IGDCC4: variants seen among roughly 807,000 people sequenced by gnomAD.
IGDCC4 encodes likely ortholog of mouse neighbor of Punc E11.
In IGDCC4, 72 loss-of-function variants were observed where a neutral mutation model predicts 116.6. That is an observed-to-expected ratio of 0.62 (90% CI 0.51 to 0.75). IGDCC4 has a LOEUF of 0.75. IGDCC4 is among the 30% of genes least tolerant of loss of function. The pLI is 0.00. For missense variants in IGDCC4, 1,501 were observed against 1,662.4 expected (o/e 0.90, Z 1.69); for synonymous variants, 709 against 719.9 (o/e 0.98, Z 0.24).
intron 2 of IGDCC4, 124 bp from the exon 3 acceptor site, chr15:65,410,443 A>G: frequency 8.6e-7 from 1 of 1,169,378 alleles, no homozygotes; most frequent in Non-Finnish European, 1.2e-6. Context: ...AACACACAGC[A>G]GAGCCAATTC....
rs2091404084 is a variant in IGDCC4 at position 65,381,939 on chromosome 15, TA to T, written c.*2069del. 6.6e-6 allele frequency: 1 copy of T among 152,594 alleles called. No individual in the cohort carries two copies. The highest frequency in any genetic ancestry group is 6.5e-5 in the Admixed American group (1 of 15,274). 9.5% of individuals were successfully genotyped at this position (152,594 alleles called of 1,614,324 possible). On this transcript the variant is annotated 3_prime_UTR_variant, in exon 20 of 20. Transcript: ENST00000352385. ...TTGAGAAACAATTTTCCACCCAACC[TA>T]ATGGGTTATAAATTGTCTCATTTGC...
intron 1 of IGDCC4, among the ~76,000 whole-genome samples, chr15:65,418,053 C>T (rs1016466954): frequency 6.6e-6 from 1 of 152,194 alleles, no homozygotes; most frequent in African/African-American, 2.4e-5. Flanking sequence ...CCCATGAAGA[C>T]ATCCTCAAAA....
chr15:65,396,216 G>GCCCCCCCCCCCCCCCCCCCCC, intron 6 of IGDCC4, 53 bp from the exon 7 acceptor site: 1 of 1,188,160 alleles, frequency 8.4e-7, no homozygotes, highest in Non-Finnish European at 1.1e-6. Flanking sequence ...TAAGGTCTCT[G>GCCCCCCCCCCCCCCCCCCCCC]CCCCCCCCCC....
At chr15:65,395,379 T>G in intron 7 of IGDCC4, 121 bp from the exon 8 acceptor site, 2 of 1,020,340 alleles carry the variant, frequency 2.0e-6, no homozygotes, top group Non-Finnish European at 2.8e-6. Context: ...TCATCCCAGA[T>G]AATCTGAGCT....
chr15:65,400,868 C>T lies in IGDCC4; in HGVS notation c.779G>A (p.Ser260Asn), dbSNP rs1478752911. The T allele has an allele frequency of 6.2e-7, 1 of 1,614,038 alleles. No homozygotes were observed. Among genetic ancestry groups the T allele is most frequent in the South Asian group, 1.1e-5 (1 of 91,060 alleles). ...TGAGGCCACACATTCCATCACCACA[C>T]TCTGGCCAGACACCACTGTGGTGTT... ...PENTTVVSGQ[S>N]VVMECVASAD... Residue 260 changes from serine to asparagine, a missense_variant, in exon 5 of 20, where the codon AGT becomes AAT. Physicochemically the swap from Ser to Asn is conservative, Grantham distance 46. Coordinates refer to ENST00000352385, the MANE Select transcript of IGDCC4 (RefSeq NM_020962.3).
At position 65,402,366 on chromosome 15, in the gene IGDCC4, T is replaced by C. The variant is rs377547195; in HGVS notation, c.685A>G (p.Ser229Gly). The change falls in exon 4 of 20, where the codon AGT becomes GGT. Residue 229 changes from serine to glycine, a missense_variant. This residue lies in a region of IGDCC4 where 898 missense variants were observed against 978.9 expected (regional missense o/e 0.92). Transcript: ENST00000352385. ...GCCCCCTTACCTCTGTGGGCCACAC[T>C]GAGTAGGGCCTCCTGGCTGAAGTGC... The part of the protein sequence containing the change: ...RQHFSQEALL[S>G]VAHRGSLAST... The C allele has an allele frequency of 2.6e-4, 409 of 1,569,788 alleles. No homozygotes were observed. Among genetic ancestry groups the C allele is most frequent in the Non-Finnish European group, 3.2e-4 (365 of 1,156,556 alleles).
intron 1 of IGDCC4, among the ~76,000 whole-genome samples, chr15:65,412,795 G>A (rs1003330310): frequency 2.6e-5 from 4 of 152,064 alleles, no homozygotes; most frequent in African/African-American, 9.7e-5. Context: ...TAATTAGCCA[G>A]CTGTGGTGGG....
At chr15:65,387,361 G>GT (rs2091469915) in intron 16 of IGDCC4, among the ~76,000 whole-genome samples, 1 of 149,026 alleles carries the variant, frequency 6.7e-6, no homozygotes, top group Non-Finnish European at 1.5e-5. Flanking sequence ...TTTTGTTTTT[G>GT]TTTTTGAGAC....
At chr15:65,421,177 A>G (rs1208574818) in intron 1 of IGDCC4, among the ~76,000 whole-genome samples, 1 of 152,122 alleles carries the variant, frequency 6.6e-6, no homozygotes, top group Non-Finnish European at 1.5e-5. Flanking sequence ...TGCGTTCGGG[A>G]GCAGGGAGAG....
chr15:65,412,134 G>A (rs559356299), intron 1 of IGDCC4, among the ~76,000 whole-genome samples: 7 of 152,066 alleles, frequency 4.6e-5, no homozygotes, highest in South Asian at 2.1e-4. Flanking sequence ...AAGGAGGATC[G>A]CCTGAGCCTA....
Position 65,391,801 on chromosome 15 carries a change from G to A in IGDCC4, c.2224+79C>T. ...ACTAAAGTACCTGCTCACCAGGCTGGCCCAAAGGAAAAGAAGAGGAAGCGG... is the reference window on the plus strand; with the variant it reads ...ACTAAAGTACCTGCTCACCAGGCTGACCCAAAGGAAAAGAAGAGGAAGCGG... On this transcript the variant is annotated intron_variant, in intron 12 of 19. Coordinates refer to ENST00000352385, the MANE Select transcript of IGDCC4 (RefSeq NM_020962.3). The A allele has an allele frequency of 2.3e-6, 3 of 1,312,408 alleles. 1 individual carries two copies. Among genetic ancestry groups the A allele is most frequent in the South Asian group, 2.4e-5 (2 of 82,714 alleles). 81.3% of individuals were successfully genotyped at this position (1,312,408 alleles called of 1,614,324 possible).
At chr15:65,389,449 C>T (rs766938457) in intron 13 of IGDCC4, 38 bp from the exon 14 acceptor site, 1 of 1,614,024 alleles carries the variant, frequency 6.2e-7, no homozygotes, top group Non-Finnish European at 8.5e-7. Context: ...CTCTCAGGCA[C>T]ACTCTCCCAG....
rs1595778971 is a variant in IGDCC4, at chr15:65,391,909, T to C, written c.2195A>G (p.Lys732Arg). The C allele has an allele frequency of 6.2e-7, 1 of 1,613,916 alleles. No homozygotes were observed. The change falls in exon 12 of 20, where the codon AAG becomes AGG. Residue 732 changes from lysine to arginine, a missense_variant. Around this residue, in one of 3 missense-constraint regions of IGDCC4, gnomAD observed 235 missense variants for 328.0 expected, o/e 0.72. Coordinates refer to ENST00000352385, the MANE Select transcript of IGDCC4 (RefSeq NM_020962.3). The stretch of plus-strand genomic sequence containing the variant: ...TGCCGGCGCCTTCTCCGTCTTGCCC[T>C]TCCACACTGCTGCATAGCCATCCTC... ...KHEDGYAAVW[K>R]GKTEKAPAPD...
At chr15:65,396,794 C>T in intron 6 of IGDCC4, 40 bp downstream of exon 6, 1 of 1,546,900 alleles carries the variant, frequency 6.5e-7, no homozygotes, top group Non-Finnish European at 8.7e-7. Flanking sequence ...TCACCCCAGC[C>T]CCAGCTAACC....
chr15:65,394,566 C>T lies in IGDCC4; in HGVS notation c.1577-18G>A. Reference sequence around the variant, plus strand: ...ACTGGGGACTGAGACAGAAGAACATCAGCATGAGCTCTGCTCCACCGACGT... The same window carrying T: ...ACTGGGGACTGAGACAGAAGAACATTAGCATGAGCTCTGCTCCACCGACGT... On this transcript the variant is annotated intron_variant, in intron 8 of 19. Coordinates refer to ENST00000352385, the MANE Select transcript of IGDCC4 (RefSeq NM_020962.3). The T allele has an allele frequency of 6.3e-7, 1 of 1,583,432 alleles. No homozygotes were observed. Among genetic ancestry groups the T allele is most frequent in the Non-Finnish European group, 8.6e-7 (1 of 1,164,442 alleles).
rs1567081298 is a variant in IGDCC4, at chr15:65,389,936, A to AG, written c.2408+218dup. Reference sequence around the variant, plus strand: ...AGTTTGAGAACAAGGCTCTGTTGTGAGGGGACGGGATTGGATGGCCTCCTT... The same window carrying AG: ...AGTTTGAGAACAAGGCTCTGTTGTGAGGGGGACGGGATTGGATGGCCTCCTT... On this transcript the variant is annotated intron_variant, in intron 13 of 19. Transcript: ENST00000352385. 3.9e-5 allele frequency among the ~76,000 whole-genome samples: 6 copies of AG among 152,206 alleles called. No homozygotes were observed. The South Asian group carries it at 1.2e-3, about 32-fold the overall frequency.
In IGDCC4 at chr15:65,394,454, C is replaced by A. The variant is rs750335071; in HGVS notation, c.1671G>T (p.Gly557=). 1 of 1,614,096 alleles carries A rather than the reference C, an allele frequency of 6.2e-7. No individual in the cohort carries two copies. The highest frequency in any genetic ancestry group is 8.5e-7 in the Non-Finnish European group (1 of 1,180,008). The change falls in exon 9 of 20, where the codon GGG becomes GGT. Residue 557 remains glycine (G), a synonymous_variant. Coordinates refer to ENST00000352385, the MANE Select transcript of IGDCC4 (RefSeq NM_020962.3). The part of the protein sequence containing the change: ...WLPLPPSLSN[G]QVVKYKIEYG... ...ATTCTATCTTGTACTTCACCACCTG[C>A]CCATTGCTCAGGCTGGGGGGCAGGG...
chr15:65,386,215 CA>C (rs1336409638), intron 17 of IGDCC4, among the ~76,000 whole-genome samples, 156 bp from the exon 18 acceptor site: 21 of 152,316 alleles, frequency 1.4e-4, no homozygotes, highest in Admixed American at 7.8e-4. Flanking sequence ...TGCTATTGTT[CA>C]AAACAGCCTG....
Position 65,388,519 on chromosome 15 carries a change from C to T in IGDCC4, c.2775G>A (p.Ala925=), listed in dbSNP as rs182317592. Reference sequence around the variant, plus strand: ...AAGGCCCAGGTCCCACCTCTGTGCGCGCCCCCATCTTGAAGAAGTACCGAG... The same window carrying T: ...AAGGCCCAGGTCCCACCTCTGTGCGTGCCCCCATCTTGAAGAAGTACCGAG... ...SDTRYFFKMG[A]RTEVGPGPFS... Residue 925 remains alanine (A), a synonymous_variant, in exon 16 of 20, where the codon GCG becomes GCA. Transcript: ENST00000352385. The T allele has an allele frequency of 6.3e-5, 101 of 1,614,152 alleles. 1 individual carries two copies. In the Admixed American group the frequency reaches 1.1e-3, roughly 18 times the overall value.
Sources: allele counts gnomAD v4.1 joint callset (sites outside exome capture counted in the v4.1 genomes callset), GRCh38; gene constraint gnomAD v4.1.1; regional missense constraint gnomAD v4.1.1; transcripts MANE v1.5; gene names NCBI Gene and HGNC (gene_info 2026-07-23, HGNC 2026-07-21).